The following RPE variants were observed in gnomAD, a reference collection of about 807,000 sequenced individuals.
RPE encodes ribulose-5-phosphate-3-epimerase.
RPE carries 16 observed loss-of-function variants against 24.6 expected under a neutral mutation model. The observed-to-expected ratio is 0.65, with a 90% confidence interval of 0.44 to 0.99. RPE has a LOEUF of 0.99. RPE is among the 50% of genes least tolerant of loss of function. The pLI, the probability that RPE is intolerant of heterozygous loss-of-function variation, is 0.00. For synonymous variants in RPE, 93 were observed against 98.4 expected (o/e 0.94, Z 0.33); for missense variants, 240 against 294.5 (o/e 0.81, Z 1.35).
At chr2:210,007,901 C>A (rs1260822953) in intron 1 of RPE, among the ~76,000 whole-genome samples, 1 of 152,114 alleles carries the variant, frequency 6.6e-6, no homozygotes, top group Non-Finnish European at 1.5e-5. Context: ...TGTGGCTCTT[C>A]CATTCTGTAA....
chr2:210,003,191 A>G (rs1330461217), intron 1 of RPE, among the ~76,000 whole-genome samples: 2 of 152,150 alleles, frequency 1.3e-5, no homozygotes, highest in Non-Finnish European at 2.9e-5. Context: ...TTAAGTTGGC[A>G]CCTGCGGTTA....
intron 2 of RPE, among the ~76,000 whole-genome samples, chr2:210,011,503 C>G (rs2093698721): frequency 6.6e-6 from 1 of 152,140 alleles, no homozygotes; most frequent in Non-Finnish European, 1.5e-5. Context: ...TTTTAGCAAT[C>G]CTGTGTTGCT....
chr2:210,002,746 T>C lies in RPE; in HGVS notation c.85T>C (p.Ser29Pro), dbSNP rs1364538947. The change falls in exon 1 of 6, where the codon TCT becomes CCT. Residue 29 changes from serine (S) to proline (P), a missense_variant. Coordinates refer to ENST00000359429, the MANE Select transcript of RPE (RefSeq NM_199229.3). Reference protein sequence around the residue: ...LGAECLRMLDSGADYLHLDVM... With the variant: ...LGAECLRMLDPGADYLHLDVM... ...GGCCGAGTGCCTCCGGATGCTAGAC[T>C]CTGGGGCCGATTATCTGCACCTGGA... The C allele has an allele frequency of 6.8e-6, 11 of 1,614,042 alleles. No individual in the cohort carries two copies. Among genetic ancestry groups the C allele is most frequent in the Admixed American group, 3.3e-5 (2 of 59,998 alleles).
At chr2:210,003,689 T>G (rs1457442664) in intron 1 of RPE, among the ~76,000 whole-genome samples, 1 of 152,190 alleles carries the variant, frequency 6.6e-6, no homozygotes, top group Non-Finnish European at 1.5e-5. Flanking sequence ...AAATCATAAA[T>G]ACCATTATCT....
intron 5 of RPE, among the ~76,000 whole-genome samples, chr2:210,018,877 A>G (rs1455083855): frequency 6.6e-6 from 1 of 152,150 alleles, no homozygotes; most frequent in Admixed American, 6.5e-5. Context: ...TCACCTTTAT[A>G]ATTTCTGTGA....
chr2:210,017,450 T>C, intron 4 of RPE, 23 bp from the exon 5 acceptor site: 1 of 1,438,190 alleles, frequency 7.0e-7, no homozygotes, highest in Non-Finnish European at 9.6e-7. Context: ...AGGAGTTACT[T>C]ATTTCCTCAT....
chr2:210,009,490 A>G (rs772266368), intron 1 of RPE, 167 bp from the exon 2 acceptor site: 2 of 887,718 alleles, frequency 2.3e-6, no homozygotes, highest in Non-Finnish European at 3.4e-6. Flanking sequence ...ATTGCCTAGT[A>G]AAACCAAAAT....
At chr2:210,003,868 A>G (rs1352412492) in intron 1 of RPE, among the ~76,000 whole-genome samples, 1 of 152,118 alleles carries the variant, frequency 6.6e-6, no homozygotes, top group Non-Finnish European at 1.5e-5. Flanking sequence ...GGTTAAATGT[A>G]TTGTTTCTCT....
chr2:210,003,539 T>C (rs1228636271), intron 1 of RPE: 3 of 984,750 alleles, frequency 3.0e-6, no homozygotes, highest in African/African-American at 3.4e-5. Context: ...GTTTCTGAAG[T>C]TGGTTACAGA....
At chr2:210,007,266 A>G (rs2093642894) in intron 1 of RPE, among the ~76,000 whole-genome samples, 1 of 152,162 alleles carries the variant, frequency 6.6e-6, no homozygotes. Context: ...CCTGTCATCT[A>G]ACTGTGAGAC....
intron 1 of RPE, among the ~76,000 whole-genome samples, chr2:210,008,639 T>C (rs1464459629): frequency 6.6e-6 from 1 of 151,978 alleles, no homozygotes; most frequent in Non-Finnish European, 1.5e-5. Context: ...AACAAAAAGA[T>C]TAACTGGAGT....
intron 1 of RPE, among the ~76,000 whole-genome samples, chr2:210,006,443 A>G (rs746169466): frequency 3.9e-5 from 6 of 152,114 alleles, no homozygotes; most frequent in African/African-American, 7.2e-5. Flanking sequence ...TGTTCTTCCA[A>G]TATACTTCGT....
chr2:210,016,624 G>A lies in RPE; in HGVS notation c.460G>A (p.Glu154Lys), dbSNP rs757766076. Reference protein sequence around the residue: ...EPGFGGQKFMEDMMPKVHWLR... With the variant: ...EPGFGGQKFMKDMMPKVHWLR... ...GGGGTTTGGAGGGCAGAAATTCATG[G>A]AAGATATGATGCCAAAGGTAAAAGA... Residue 154 changes from glutamate (E) to lysine (K), a missense_variant, in exon 4 of 6, where the codon GAA becomes AAA. Coordinates refer to ENST00000359429, the MANE Select transcript of RPE (RefSeq NM_199229.3). The A allele has an allele frequency of 6.2e-7, 1 of 1,614,102 alleles. No homozygotes were observed. The highest frequency in any genetic ancestry group is 1.3e-5 in the African/African-American group (1 of 74,922).
rs2093848677 is a variant in RPE at position 210,021,103 on chromosome 2, A to C, written c.*1312A>C. 1.3e-5 allele frequency: 2 copies of C among 152,108 alleles called. No homozygotes were observed. Among genetic ancestry groups the C allele is most frequent in the Admixed American group, 1.3e-4 (2 of 15,262 alleles). 9.4% of individuals were successfully genotyped at this position (152,108 alleles called of 1,614,324 possible). On this transcript the variant is annotated 3_prime_UTR_variant, in exon 6 of 6. Coordinates refer to ENST00000359429, the MANE Select transcript of RPE (RefSeq NM_199229.3). ...TGACAGGATACAGAGTCAATCCATA[A>C]ACTAAATATTTATAACTGTTCTGAA... is the stretch of plus-strand genomic sequence containing the variant.
intron 1 of RPE, 56 bp downstream of exon 1, chr2:210,002,839 C>G: frequency 1.2e-6 from 2 of 1,613,280 alleles, no homozygotes; most frequent in Non-Finnish European, 1.7e-6. Context: ...ATCAGTGCAC[C>G]TTTATTGACT....
At chr2:210,018,389 T>A in intron 5 of RPE, 1 of 985,056 alleles carries the variant, frequency 1.0e-6, no homozygotes, top group Non-Finnish European at 1.2e-6. Context: ...GTAAAAACTT[T>A]TTTTTACTTT....
intron 2 of RPE, among the ~76,000 whole-genome samples, chr2:210,012,091 T>C (rs2093708290): frequency 6.6e-6 from 1 of 152,210 alleles, no homozygotes; most frequent in African/African-American, 2.4e-5. Context: ...GTGTTGTATA[T>C]GTAACGCTAA....
In RPE at chr2:210,017,455, C is replaced by A. The variant is rs764376339; in HGVS notation, c.478-18C>A. 6.3e-5 allele frequency: 41 copies of A among 647,398 alleles called. No homozygotes were observed. The highest frequency in any genetic ancestry group is 9.3e-5 in the Non-Finnish European group (38 of 408,020). The allele number at this position is 647,398 out of a possible 1,614,324, so 40.1% of individuals were successfully genotyped here. On this transcript the variant is annotated intron_variant, in intron 4 of 5. Transcript: ENST00000359429. ...TACCCACTTTAGGAGTTACTTATTT[C>A]CTCATGTATATATCTAGGTTCACTG...
chr2:210,006,604 A>G (rs949457556), intron 1 of RPE, among the ~76,000 whole-genome samples: 1 of 152,260 alleles, frequency 6.6e-6, no homozygotes, highest in Non-Finnish European at 1.5e-5. Context: ...TGGTTATTAT[A>G]CTTTTATTTT....
Sources: gnomAD v4.1 joint callset for allele counts (sites outside exome capture counted in the v4.1 genomes callset) on GRCh38, gnomAD v4.1.1 for gene constraint, MANE v1.5 for transcripts, NCBI Gene and HGNC (gene_info 2026-07-23, HGNC 2026-07-21) for gene names.